Variants in FGF14 observed in about 807,000 individuals in gnomAD.
FGF14 encodes the protein fibroblast growth factor homologous factor 4.
FGF14 carries 5 observed loss-of-function variants against 25.5 expected under a neutral mutation model. The observed-to-expected ratio is 0.20, with a 90% CI of 0.10 to 0.41. The LOEUF is 0.41. Ranked by LOEUF, FGF14 falls within the 10% of genes least tolerant of loss-of-function variation. The pLI, the probability that FGF14 is intolerant of heterozygous loss-of-function variation, is 1.00. For synonymous variants in FGF14, 138 were observed against 118.3 expected (o/e 1.17, Z -1.08); for missense variants, 222 against 320.1 (o/e 0.69, Z 2.34).
intron 1 of FGF14, among the ~76,000 whole-genome samples, chr13:102,074,490 T>C (rs1040606100): frequency 1.3e-5 from 2 of 152,168 alleles, no homozygotes; most frequent in Non-Finnish European, 2.9e-5. Flanking sequence ...GTGGCAGGTG[T>C]CATGTTAGAC....
chr13:101,968,757 A>G (rs534605756), intron 1 of FGF14, among the ~76,000 whole-genome samples: 16 of 152,156 alleles, frequency 1.1e-4, no homozygotes, highest in African/African-American at 3.6e-4. Context: ...CACAGCCACA[A>G]AAGTGTGAGA....
intron 1 of FGF14, among the ~76,000 whole-genome samples, chr13:102,176,610 A>G (rs1414748060): frequency 6.6e-6 from 1 of 152,184 alleles, no homozygotes; most frequent in Non-Finnish European, 1.5e-5. Flanking sequence ...TTTCAGTTCC[A>G]CAAAATGAGT....
At chr13:102,093,458 G>A (rs918607236) in intron 1 of FGF14, among the ~76,000 whole-genome samples, 2 of 152,098 alleles carry the variant, frequency 1.3e-5, no homozygotes, top group African/African-American at 2.4e-5. Flanking sequence ...GCCACCTCCT[G>A]TTGCTATTGT....
In FGF14 at chr13:102,140,771, G is replaced by A. The variant is rs9585853; in HGVS notation, c.208+260700C>T. Among the ~76,000 whole-genome samples the A allele has an allele frequency of 3.8e-3, 574 of 152,230 alleles. 5 individuals are homozygous for A. The highest frequency in any genetic ancestry group is 0.012 in the African/African-American group (504 of 41,548). ...GCCCCCAGTACTCAATCTATAAACT[G>A]GGTTATGAGAAAATTCAAGAATAGA... is the stretch of plus-strand genomic sequence containing the variant. On this transcript the variant is annotated intron_variant, in intron 1 of 4. Coordinates refer to the FGF14 transcript ENST00000376131.
chr13:102,245,920 C>T (rs932109497), intron 1 of FGF14, among the ~76,000 whole-genome samples: 1 of 152,108 alleles, frequency 6.6e-6, no homozygotes, highest in Non-Finnish European at 1.5e-5. Context: ...TAGCAGCTTA[C>T]AGTCTGGTAA....
intron 2 of FGF14, among the ~76,000 whole-genome samples, chr13:101,869,193 G>A (rs532212749): frequency 3.5e-4 from 54 of 152,264 alleles, no homozygotes; most frequent in South Asian, 1.0e-3. Context: ...AGTCCAAGTC[G>A]AGTGTTTATT....
intron 1 of FGF14, among the ~76,000 whole-genome samples, chr13:101,981,751 G>T (rs2038282495): frequency 6.6e-6 from 1 of 152,180 alleles, no homozygotes; most frequent in African/African-American, 2.4e-5. Context: ...GGGCCCTTCA[G>T]GGGTCTGTTG....
upstream of FGF14, among the ~76,000 whole-genome samples, chr13:101,917,716 AG>A (rs2033677008): frequency 6.6e-6 from 1 of 152,026 alleles, no homozygotes; most frequent in Non-Finnish European, 1.5e-5. Context: ...CTTCTGCTGC[AG>A]GAAGGGTAGG....
intron 1 of FGF14, among the ~76,000 whole-genome samples, chr13:101,974,752 C>T (rs1442271000): frequency 6.6e-6 from 1 of 152,082 alleles, no homozygotes; most frequent in African/African-American, 2.4e-5. Flanking sequence ...AACTAGTGAA[C>T]CACAGGTAGT....
intron 3 of FGF14, among the ~76,000 whole-genome samples, chr13:101,764,714 C>T (rs745875574): frequency 3.0e-4 from 45 of 152,140 alleles, no homozygotes; most frequent in Non-Finnish European, 1.8e-4. Flanking sequence ...AAGATTGCAC[C>T]TCCCCCACCA....
intron 1 of FGF14, among the ~76,000 whole-genome samples, chr13:101,997,097 C>G (rs556991714): frequency 6.6e-6 from 1 of 152,332 alleles, no homozygotes; most frequent in South Asian, 2.1e-4. Flanking sequence ...CTTCAAAGCA[C>G]TTCCTAGCAG....
intron 3 of FGF14, among the ~76,000 whole-genome samples, chr13:101,798,406 C>T (rs550741249): frequency 4.6e-5 from 7 of 152,174 alleles, no homozygotes; most frequent in African/African-American, 9.6e-5. Flanking sequence ...ACTATCTTAA[C>T]GATGAAGTAG....
intron 1 of FGF14, among the ~76,000 whole-genome samples, chr13:102,041,444 A>C (rs904439959): frequency 2.6e-5 from 4 of 151,906 alleles, no homozygotes; most frequent in Non-Finnish European, 5.9e-5. Flanking sequence ...TTGTGATAAG[A>C]TTTTTCAAAA....
chr13:102,292,085 G>T (rs927703657), intron 1 of FGF14, among the ~76,000 whole-genome samples: 10 of 151,928 alleles, frequency 6.6e-5, no homozygotes, highest in Non-Finnish European at 1.3e-4. Context: ...TTGCAGAATG[G>T]CTGGCTGGCC....
At position 101,716,185 on chromosome 13, in the gene FGF14, T is replaced by G. The variant is rs1213117688; in HGVS notation, c.*6646A>C. 1 of 152,256 alleles carries G rather than the reference T, an allele frequency of 6.6e-6. No individual in the cohort carries two copies. The highest frequency in any genetic ancestry group is 2.4e-5 in the African/African-American group (1 of 41,462). 9.4% of individuals were successfully genotyped at this position (152,256 alleles called of 1,614,324 possible). A position where few individuals can be genotyped will look rare whatever the true frequency, so the allele number is the denominator to read the frequency against. On this transcript the variant is annotated 3_prime_UTR_variant, in exon 5 of 5. Transcript: ENST00000376143. Reference sequence around the variant, plus strand: ...AAACATGCATATTCACATTAATTAATCGATCAGATTTTTCCAGAATTCCGT... The same window carrying G: ...AAACATGCATATTCACATTAATTAAGCGATCAGATTTTTCCAGAATTCCGT...
chr13:102,206,560 A>C (rs925209422), intron 1 of FGF14, among the ~76,000 whole-genome samples: 2 of 151,924 alleles, frequency 1.3e-5, no homozygotes, highest in Non-Finnish European at 2.9e-5. Context: ...GTGCGCCTGT[A>C]CTCCCAGCTA....
intron 1 of FGF14, among the ~76,000 whole-genome samples, chr13:101,969,588 T>C (rs1314907581): frequency 1.3e-5 from 2 of 152,170 alleles, no homozygotes; most frequent in Non-Finnish European, 2.9e-5. Flanking sequence ...GTCTCCCTCA[T>C]TTCTTATTAT....
At chr13:102,120,519 G>T (rs1481418780) in intron 1 of FGF14, among the ~76,000 whole-genome samples, 2 of 152,162 alleles carry the variant, frequency 1.3e-5, no homozygotes, top group South Asian at 4.1e-4. Context: ...CACTAGAAGA[G>T]AAAGTAATTT....
chr13:101,955,523 G>A (rs944130353), intron 1 of FGF14, among the ~76,000 whole-genome samples: 1 of 152,206 alleles, frequency 6.6e-6, no homozygotes, highest in Non-Finnish European at 1.5e-5. Flanking sequence ...TCAATAAAAT[G>A]GGAAAATGGT....
Sources: allele counts gnomAD v4.1 joint callset (sites outside exome capture counted in the v4.1 genomes callset), GRCh38; gene constraint gnomAD v4.1.1; transcripts MANE v1.5; gene names NCBI Gene and HGNC (gene_info 2026-07-23, HGNC 2026-07-21).